XRN2: variants seen among roughly 807,000 people sequenced by gnomAD.
XRN2 encodes the protein DHM1-like protein.
XRN2 carries 44 observed loss-of-function variants against 138.5 expected under a neutral mutation model. That is an observed-to-expected ratio of 0.32 (90% CI 0.25 to 0.41). XRN2 has a LOEUF of 0.41. XRN2 is among the 10% of genes least tolerant of loss of function. The pLI is 1.00. For missense variants in XRN2, 937 were observed against 1,169.3 expected, an observed-to-expected ratio of 0.80 and a Z score of 2.90; for synonymous variants, 354 against 369.4, an observed-to-expected ratio of 0.96 and a Z score of 0.48.
intron 29 of XRN2, 125 bp from the exon 30 acceptor site, chr20:21,389,148 C>CA: frequency 1.3e-6 from 1 of 780,004 alleles, no homozygotes; most frequent in Non-Finnish European, 2.0e-6. Context: ...GGGGCCTTTC[C>CA]ATGTGCTGTA....
chr20:21,348,867 T>G (rs1297115521), intron 19 of XRN2, among the ~76,000 whole-genome samples: 1 of 152,128 alleles, frequency 6.6e-6, no homozygotes, highest in Non-Finnish European at 1.5e-5. Context: ...ATGGTCTTGA[T>G]CTCGTGACCT....
At chr20:21,311,399 A>T (rs1223841012) in intron 1 of XRN2, among the ~76,000 whole-genome samples, 1 of 152,026 alleles carries the variant, frequency 6.6e-6, no homozygotes, top group East Asian at 1.9e-4. Context: ...ATGTTGTTGC[A>T]TGTCTCAGAA....
intron 20 of XRN2, among the ~76,000 whole-genome samples, chr20:21,354,215 CCCT>C (rs1273153410): frequency 6.6e-6 from 1 of 152,066 alleles, no homozygotes; most frequent in Non-Finnish European, 1.5e-5. Context: ...GTCCCCTGCC[CCCT>C]AAGTTATTTA....
At chr20:21,350,161 A>G (rs1046379683) in intron 20 of XRN2, among the ~76,000 whole-genome samples, 7 of 152,206 alleles carry the variant, frequency 4.6e-5, no homozygotes, top group Non-Finnish European at 1.0e-4. Context: ...GGCTATATAA[A>G]ATTTGTACTA....
At chr20:21,323,492 TGTTG>T (rs2038077105) in intron 1 of XRN2, among the ~76,000 whole-genome samples, 2 of 152,166 alleles carry the variant, frequency 1.3e-5, no homozygotes, top group African/African-American at 4.8e-5. Context: ...ACAGGAAACG[TGTTG>T]GTATAGCATT....
chr20:21,346,867 T>A (rs6047389), intron 17 of XRN2, among the ~76,000 whole-genome samples: 1 of 151,836 alleles, frequency 6.6e-6, no homozygotes, highest in Non-Finnish European at 1.5e-5. Flanking sequence ...TCCGCCTGCC[T>A]CAGCCTCCTA....
rs1455665386 is a variant in XRN2, at chr20:21,377,145, T to G, written c.2585-4849T>G. Among the ~76,000 whole-genome samples, 3 of 152,060 alleles carry G rather than the reference T, an allele frequency of 2.0e-5. No homozygotes were observed. In the East Asian group the frequency reaches 5.8e-4, roughly 29 times the overall value. ...TATTGGATAAATAATTAGCTTCATC[T>G]AGAATGGTCATTAAAGTATGATAAG... On this transcript the variant is annotated intron_variant, in intron 27 of 29. Coordinates refer to ENST00000377191, the MANE Select transcript of XRN2 (RefSeq NM_012255.5).
chr20:21,334,172 G>A lies in XRN2; in HGVS notation c.1220G>A (p.Arg407Lys). 1 of 1,613,502 alleles carries A rather than the reference G, an allele frequency of 6.2e-7. No individual in the cohort carries two copies. Among genetic ancestry groups the A allele is most frequent in the Non-Finnish European group, 8.5e-7 (1 of 1,179,788 alleles). ...GEVEDSIFKK[R>K]KDDEDSFRRR... ...GTTGAGGATAGCATTTTTAAAAAGA[G>A]AAAGGATGATGAGGTAAAGTGTTTC... Residue 407 changes from arginine (R) to lysine (K), a missense_variant, in exon 13 of 30, where the codon AGA (arginine) becomes AAA (lysine). Coordinates refer to ENST00000377191, the MANE Select transcript of XRN2 (RefSeq NM_012255.5).
Position 21,382,795 on chromosome 20 carries a change from T to C in XRN2, c.2648+738T>C, listed in dbSNP as rs567860744. ...TACGACAAGACAACTAGGCACATTA[T>C]GAATAATTAACATCTGTAGAATAAT... On this transcript the variant is annotated intron_variant, in intron 28 of 29. Coordinates refer to ENST00000377191, the MANE Select transcript of XRN2 (RefSeq NM_012255.5). 5.3e-5 allele frequency among the ~76,000 whole-genome samples: 8 copies of C among 152,370 alleles called. No homozygotes were observed. The South Asian group carries it at 1.7e-3, about 32-fold the overall frequency.
At chr20:21,359,719 G>C (rs1039323064) in intron 24 of XRN2, among the ~76,000 whole-genome samples, 2 of 152,164 alleles carry the variant, frequency 1.3e-5, no homozygotes, top group Non-Finnish European at 2.9e-5. Context: ...TTGAGGCAGA[G>C]ATCCAGTTTT....
chr20:21,381,851 G>T, intron 27 of XRN2, 143 bp from the exon 28 acceptor site: 2 of 565,824 alleles, frequency 3.5e-6, no homozygotes, highest in South Asian at 7.4e-5. Context: ...TTACATTTGT[G>T]GTGTGTGTTA....
chr20:21,303,682 C>A, intron 1 of XRN2: 1 of 1,322,106 alleles, frequency 7.6e-7, no homozygotes, highest in Non-Finnish European at 9.6e-7. Flanking sequence ...GGACCCTCGG[C>A]GGGGCAAGGG....
intron 29 of XRN2, among the ~76,000 whole-genome samples, chr20:21,387,987 C>A (rs1319673103): frequency 6.6e-6 from 1 of 152,128 alleles, no homozygotes; most frequent in Non-Finnish European, 1.5e-5. Context: ...ATCAGTTTAT[C>A]GAATTTTGCT....
chr20:21,350,322 C>T (rs570172081), intron 20 of XRN2, among the ~76,000 whole-genome samples: 5 of 151,872 alleles, frequency 3.3e-5, no homozygotes, highest in South Asian at 2.1e-4. Flanking sequence ...GTCAGGAGAT[C>T]GAGACCATCC....
rs781707060 is a variant in XRN2, at chr20:21,354,822, G to A, written c.1970G>A (p.Arg657Lys). The A allele has an allele frequency of 6.2e-7, 1 of 1,614,038 alleles. No individual in the cohort carries two copies. The highest frequency in any genetic ancestry group is 1.7e-5 in the Admixed American group (1 of 60,020). The change falls in exon 21 of 30, where the codon AGG becomes AAG. Residue 657 changes from arginine (R) to lysine (K), a missense_variant. By Grantham distance (26) the Arg-to-Lys change is conservative. Transcript: ENST00000377191. ...CTCTTGCCATTCGTGGATGAGCGAAGGCTACGAGCTGCCCTAGAAGAGGTA... is the reference window on the plus strand; with the variant it reads ...CTCTTGCCATTCGTGGATGAGCGAAAGCTACGAGCTGCCCTAGAAGAGGTA... ...VALLPFVDER[R>K]LRAALEEVYP... is the part of the protein sequence containing the mutation.
At chr20:21,318,823 A>G (rs2037997225) in intron 1 of XRN2, among the ~76,000 whole-genome samples, 1 of 151,872 alleles carries the variant, frequency 6.6e-6, no homozygotes, top group East Asian at 1.9e-4. Context: ...TATACTTTGT[A>G]TTATTTCTAT....
intron 1 of XRN2, among the ~76,000 whole-genome samples, chr20:21,310,583 C>CT (rs1364262198): frequency 1.3e-5 from 2 of 152,074 alleles, no homozygotes; most frequent in Non-Finnish European, 1.5e-5. Flanking sequence ...GCTCAGAAAT[C>CT]TATTTTATTT....
At chr20:21,333,301 C>T (rs2038240148) in intron 9 of XRN2, among the ~76,000 whole-genome samples, 1 of 152,052 alleles carries the variant, frequency 6.6e-6, no homozygotes, top group African/African-American at 2.4e-5. Flanking sequence ...CATATATGTC[C>T]CCCAGTAGCC....
intron 27 of XRN2, among the ~76,000 whole-genome samples, chr20:21,376,739 C>T (rs139728818): frequency 3.9e-5 from 6 of 152,218 alleles, no homozygotes; most frequent in East Asian, 3.9e-4. Context: ...GAGTCCTGTG[C>T]GTTCACTGTG....
Sources: allele counts gnomAD v4.1 joint callset (sites outside exome capture counted in the v4.1 genomes callset), GRCh38; gene constraint gnomAD v4.1.1; transcripts MANE v1.5; gene names NCBI Gene and HGNC (gene_info 2026-07-23, HGNC 2026-07-21).